The following PARD3B variants were observed in gnomAD, a reference collection of about 807,000 sequenced individuals.
PARD3B encodes the protein partitioning defective 3 homolog B.
A neutral mutation model predicts 130.2 loss-of-function variants in PARD3B; 103 were observed. That is an observed-to-expected ratio of 0.79 (90% CI 0.67 to 0.93). The LOEUF is 0.93. PARD3B is among the 40% of genes least tolerant of loss of function. The pLI is 0.00. For missense variants in PARD3B, 1,609 were observed against 1,499.2 expected, an observed-to-expected ratio of 1.07 and a Z score of -1.21; for synonymous variants, 583 against 553.2, an observed-to-expected ratio of 1.05 and a Z score of -0.76.
chr2:205,579,063 T>C (rs1283883686), intron 22 of PARD3B, among the ~76,000 whole-genome samples: 3 of 152,170 alleles, frequency 2.0e-5, no homozygotes, highest in African/African-American at 7.2e-5. Flanking sequence ...AACGTAAAAA[T>C]GTAAATATTC....
chr2:205,328,658 A>G (rs1213118346), intron 18 of PARD3B, among the ~76,000 whole-genome samples: 1 of 152,208 alleles, frequency 6.6e-6, no homozygotes, highest in Non-Finnish European at 1.5e-5. Context: ...ACTACACTTT[A>G]AAAACACTGT....
intron 21 of PARD3B, among the ~76,000 whole-genome samples, chr2:205,531,173 G>A (rs1004280502): frequency 6.6e-6 from 1 of 152,162 alleles, no homozygotes; most frequent in Admixed American, 6.5e-5. Flanking sequence ...ATACTAATTA[G>A]TCTTTCCACT....
chr2:205,424,120 T>C (rs1488186969), intron 19 of PARD3B, among the ~76,000 whole-genome samples: 1 of 152,162 alleles, frequency 6.6e-6, no homozygotes, highest in Non-Finnish European at 1.5e-5. Context: ...GAATACAATA[T>C]TTTTGCTGAC....
intron 15 of PARD3B, among the ~76,000 whole-genome samples, chr2:205,245,109 T>G (rs2039513128): frequency 6.6e-6 from 1 of 152,222 alleles, no homozygotes; most frequent in Non-Finnish European, 1.5e-5. Context: ...CCCAGCACCA[T>G]GCCCTCAAGC....
chr2:205,019,663 T>A (rs1327223426), intron 3 of PARD3B, among the ~76,000 whole-genome samples: 1 of 152,202 alleles, frequency 6.6e-6, no homozygotes, highest in East Asian at 1.9e-4. Context: ...GTCTTTTTTC[T>A]TATAGCCATC....
At chr2:204,742,023 A>G (rs1209144410) in intron 2 of PARD3B, among the ~76,000 whole-genome samples, 3 of 152,104 alleles carry the variant, frequency 2.0e-5, no homozygotes, top group Non-Finnish European at 4.4e-5. Flanking sequence ...CCCAGGATCT[A>G]CTTACTCAGA....
intron 3 of PARD3B, among the ~76,000 whole-genome samples, chr2:204,999,690 A>G (rs988553041): frequency 6.6e-5 from 10 of 152,198 alleles, no homozygotes; most frequent in African/African-American, 1.9e-4. Context: ...CAAGGAGCCT[A>G]TTGGAACTGG....
chr2:204,591,840 T>C (rs2033084529), intron 1 of PARD3B, among the ~76,000 whole-genome samples: 1 of 152,250 alleles, frequency 6.6e-6, no homozygotes, highest in Admixed American at 6.5e-5. Flanking sequence ...CTTGGAGTGC[T>C]GTTGTACACG....
intron 16 of PARD3B, among the ~76,000 whole-genome samples, chr2:205,296,860 C>T (rs893176007): frequency 2.0e-5 from 3 of 149,058 alleles, no homozygotes; most frequent in African/African-American, 2.5e-5. Context: ...TCTTTAAAAG[C>T]GCTATAACAT....
At chr2:205,491,597 T>C (rs1362089260) in intron 20 of PARD3B, among the ~76,000 whole-genome samples, 1 of 152,158 alleles carries the variant, frequency 6.6e-6, no homozygotes, top group Non-Finnish European at 1.5e-5. Flanking sequence ...GCGGGCTCTT[T>C]TTTGGTTCCG....
intron 2 of PARD3B, among the ~76,000 whole-genome samples, chr2:204,734,641 C>T (rs1485748487): frequency 2.0e-5 from 3 of 152,054 alleles, no homozygotes; most frequent in African/African-American, 7.2e-5. Context: ...GTGAAAGAAG[C>T]CAGACACCAG....
At chr2:204,856,823 C>T (rs2044963593) in intron 2 of PARD3B, among the ~76,000 whole-genome samples, 1 of 152,036 alleles carries the variant, frequency 6.6e-6, no homozygotes, top group African/African-American at 2.4e-5. Context: ...ACCTGTGTGT[C>T]ATAATTTACT....
At chr2:204,790,734 C>T (rs189819510) in intron 2 of PARD3B, among the ~76,000 whole-genome samples, 16 of 152,260 alleles carry the variant, frequency 1.1e-4, no homozygotes, top group South Asian at 2.1e-4. Context: ...TTTTTTACTT[C>T]GTATTTCGTC....
At chr2:204,968,807 A>G (rs1672747953) in intron 3 of PARD3B, among the ~76,000 whole-genome samples, 1 of 152,260 alleles carries the variant, frequency 6.6e-6, no homozygotes, top group African/African-American at 2.4e-5. Context: ...CGAACAGCAG[A>G]AATCTACTGA....
intron 20 of PARD3B, among the ~76,000 whole-genome samples, chr2:205,498,291 C>G (rs541546792): frequency 3.3e-5 from 5 of 151,030 alleles, no homozygotes; most frequent in Non-Finnish European, 7.4e-5. Context: ...CACCTGAGGT[C>G]AGGAGTTCAA....
intron 1 of PARD3B, among the ~76,000 whole-genome samples, chr2:204,683,647 A>G (rs17450407): frequency 0.017 from 2,605 of 152,296 alleles, 51 homozygotes; most frequent in Middle Eastern, 0.034. Flanking sequence ...TGTGTAAAAT[A>G]TTAACCCTGA....
chr2:204,716,373 T>C (rs1277428897), intron 2 of PARD3B, among the ~76,000 whole-genome samples: 1 of 151,988 alleles, frequency 6.6e-6, no homozygotes, highest in African/African-American at 2.4e-5. Context: ...ACCCTAGCGA[T>C]TTGTATATAC....
intron 18 of PARD3B, among the ~76,000 whole-genome samples, chr2:205,340,420 C>G (rs1224438464): frequency 6.6e-6 from 1 of 151,992 alleles, no homozygotes; most frequent in Admixed American, 6.6e-5. Flanking sequence ...ACCAATGGAA[C>G]ACAATAGAGA....
At chr2:204,765,100 A>G (rs2041086223) in intron 2 of PARD3B, among the ~76,000 whole-genome samples, 1 of 152,182 alleles carries the variant, frequency 6.6e-6, no homozygotes, top group South Asian at 2.1e-4. Flanking sequence ...TAACTGAGAG[A>G]AGAAACTACC....
Sources: gnomAD v4.1 joint callset for allele counts (sites outside exome capture counted in the v4.1 genomes callset) on GRCh38, gnomAD v4.1.1 for gene constraint, MANE v1.5 for transcripts, NCBI Gene and HGNC (gene_info 2026-07-23, HGNC 2026-07-21) for gene names.